ADAM18: variants seen among roughly 807,000 people sequenced by gnomAD.
ADAM18 encodes the protein disintegrin and metalloproteinase domain-containing protein 18.
ADAM18 carries 117 observed loss-of-function variants against 94.4 expected under a neutral mutation model. The observed-to-expected ratio is 1.24, with a 90% CI of 1.07 to 1.45. The LOEUF (loss-of-function observed/expected upper bound fraction) is 1.45, where lower values mean the gene tolerates loss of function less well. ADAM18 is among the 40% of genes most tolerant of loss of function. The pLI, the probability that ADAM18 is intolerant of heterozygous loss-of-function variation, is 0.00. For missense variants in ADAM18, 936 were observed against 880.0 expected, an observed-to-expected ratio of 1.06 and a Z score of -0.81; for synonymous variants, 327 against 291.6, an observed-to-expected ratio of 1.12 and a Z score of -1.24.
intron 7 of ADAM18, among the ~76,000 whole-genome samples, chr8:39,632,890 G>T (rs1256403597): frequency 6.6e-6 from 1 of 152,160 alleles, no homozygotes; most frequent in Non-Finnish European, 1.5e-5. Context: ...CTACAAGTTA[G>T]ATTGCTATGG....
At position 39,677,537 on chromosome 8, in the gene ADAM18, G is replaced by A; in HGVS notation, c.1631+1G>A. On this transcript the variant is annotated splice_donor_variant, in intron 15 of 19. Transcript: ENST00000265707. LOFTEE classifies it high-confidence loss of function. ...CACAACCATTACCTTGTGAACGGAAGTACGTATGTAGAAAATGATTGCTTC... is the reference window on the plus strand; with the variant it reads ...CACAACCATTACCTTGTGAACGGAAATACGTATGTAGAAAATGATTGCTTC... The A allele has an allele frequency of 6.3e-7, 1 of 1,579,894 alleles. No homozygotes were observed. The highest frequency in any genetic ancestry group is 8.6e-7 in the Non-Finnish European group (1 of 1,164,368).
At chr8:39,701,827 T>C (rs1454809780) in intron 17 of ADAM18, among the ~76,000 whole-genome samples, 3 of 152,210 alleles carry the variant, frequency 2.0e-5, no homozygotes, top group Non-Finnish European at 4.4e-5. Context: ...TCTCATACTT[T>C]TTATGGGTGC....
At chr8:39,724,392 G>A (rs1822843576) in intron 19 of ADAM18, among the ~76,000 whole-genome samples, 1 of 151,760 alleles carries the variant, frequency 6.6e-6, no homozygotes, top group Non-Finnish European at 1.5e-5. Context: ...TTTAATGTCT[G>A]TAGGGTCAGT....
chr8:39,661,579 T>C (rs1365544934), intron 12 of ADAM18, among the ~76,000 whole-genome samples: 1 of 152,062 alleles, frequency 6.6e-6, no homozygotes, highest in East Asian at 1.9e-4. Context: ...TTTAGGACTA[T>C]TGGGTTTTAT....
Position 39,648,540 on chromosome 8 carries a change from G to A in ADAM18, c.1230+13G>A, listed in dbSNP as rs759543571. On this transcript the variant is annotated intron_variant, in intron 12 of 19. Coordinates refer to ENST00000265707, the MANE Select transcript of ADAM18 (RefSeq NM_014237.3). ...TGGTAATAAAAATGTGAGTAACAAA[G>A]ATTGAAACTCGAGCACAATTTTTAT... is the stretch of plus-strand genomic sequence containing the variant. 2 of 1,580,754 alleles carry A rather than the reference G, an allele frequency of 1.3e-6. No individual in the cohort carries two copies. The highest frequency in any genetic ancestry group is 1.2e-5 in the South Asian group (1 of 84,968).
intron 18 of ADAM18, among the ~76,000 whole-genome samples, chr8:39,711,288 TGAG>T (rs1434893796): frequency 6.6e-6 from 1 of 152,124 alleles, no homozygotes; most frequent in South Asian, 2.1e-4. Flanking sequence ...GTAAGGTAGA[TGAG>T]GAGATAATCA....
intron 17 of ADAM18, among the ~76,000 whole-genome samples, 176 bp downstream of exon 17, chr8:39,692,856 C>T (rs137980362): frequency 8.6e-5 from 13 of 151,662 alleles, no homozygotes; most frequent in East Asian, 5.8e-4. Flanking sequence ...GTACCAGATA[C>T]GTATTGAACT....
intron 17 of ADAM18, 33 bp from the exon 18 acceptor site, chr8:39,706,757 G>A (rs374822175): frequency 4.3e-5 from 53 of 1,235,306 alleles, no homozygotes; most frequent in African/African-American, 3.7e-4. Context: ...AGACTAAGAC[G>A]ACTCAAACTG....
At chr8:39,653,317 AAAC>A (rs907817373) in intron 12 of ADAM18, among the ~76,000 whole-genome samples, 21 of 152,326 alleles carry the variant, frequency 1.4e-4, no homozygotes, top group South Asian at 4.1e-4. Context: ...TTTTTAAAAA[AAAC>A]AACAATAATG....
At chr8:39,627,378 T>A (rs1330622332) in intron 6 of ADAM18, among the ~76,000 whole-genome samples, 1 of 152,122 alleles carries the variant, frequency 6.6e-6, no homozygotes, top group Non-Finnish European at 1.5e-5. Context: ...TGGGGGAAAC[T>A]GCCCCCATGA....
intron 19 of ADAM18, among the ~76,000 whole-genome samples, chr8:39,725,383 T>C (rs1410345716): frequency 3.3e-5 from 5 of 152,158 alleles, no homozygotes; most frequent in South Asian, 2.1e-4. Context: ...TTAGCAAATA[T>C]CAAGTATACA....
At chr8:39,685,721 C>T (rs1821591616) in intron 16 of ADAM18, among the ~76,000 whole-genome samples, 1 of 152,088 alleles carries the variant, frequency 6.6e-6, no homozygotes, top group Non-Finnish European at 1.5e-5. Flanking sequence ...ATTATAAATT[C>T]CGTGTTTAAT....
At chr8:39,659,524 AAT>A (rs1820775416) in intron 12 of ADAM18, among the ~76,000 whole-genome samples, 4 of 152,140 alleles carry the variant, frequency 2.6e-5, no homozygotes, top group African/African-American at 9.6e-5. Flanking sequence ...AACTTAATAT[AAT>A]CAATGAGATG....
intron 19 of ADAM18, among the ~76,000 whole-genome samples, chr8:39,725,340 C>G (rs1213616721): frequency 6.6e-6 from 1 of 151,800 alleles, no homozygotes; most frequent in Non-Finnish European, 1.5e-5. Flanking sequence ...GTTGCTTTAC[C>G]AAGGTAAGAA....
chr8:39,687,876 T>A (rs566187303), intron 16 of ADAM18, among the ~76,000 whole-genome samples: 1 of 152,338 alleles, frequency 6.6e-6, no homozygotes, highest in Middle Eastern at 3.4e-3. Context: ...CCACCATTAA[T>A]GGGCGTCTTC....
At chr8:39,604,777 C>T (rs2129578287) in intron 2 of ADAM18, 1 of 152,318 alleles carries the variant, frequency 6.6e-6, no homozygotes, top group East Asian at 1.9e-4. Flanking sequence ...ACTACCCAGT[C>T]TCAGGTAGTT....
Position 39,668,171 on chromosome 8 carries a change from C to A in ADAM18, c.1500C>A (p.Asn500Lys), listed in dbSNP as rs199777132. The change falls in exon 14 of 20, where the codon AAC (asparagine) becomes AAA (lysine). Residue 500 changes from asparagine to lysine, a missense_variant. By Grantham distance (94) the Asn-to-Lys change is moderately conservative. Coordinates refer to ENST00000265707, the MANE Select transcript of ADAM18 (RefSeq NM_014237.3). The part of the protein sequence containing the change: ...CYNGQCQTTD[N>K]QCAKIFGKGA... ...ACGGACAATGTCAAACTACTGATAA[C>A]CAGTGTGCCAAGATATTTGGAAAAG... 4.9e-5 allele frequency: 79 copies of A among 1,613,894 alleles called. No individual in the cohort carries two copies. The highest frequency in any genetic ancestry group is 3.3e-4 in the Middle Eastern group (2 of 6,082).
At chr8:39,697,293 G>A (rs7005051) in intron 17 of ADAM18, among the ~76,000 whole-genome samples, 1 of 151,570 alleles carries the variant, frequency 6.6e-6, no homozygotes, top group East Asian at 1.9e-4. Flanking sequence ...CTACATATAA[G>A]ACTACATTAT....
At chr8:39,665,669 A>G (rs1208247255) in intron 13 of ADAM18, among the ~76,000 whole-genome samples, 1 of 152,174 alleles carries the variant, frequency 6.6e-6, no homozygotes, top group African/African-American at 2.4e-5. Flanking sequence ...TACCTTTTAA[A>G]AATCATTTAA....
Sources: allele counts gnomAD v4.1 joint callset (sites outside exome capture counted in the v4.1 genomes callset), GRCh38; gene constraint gnomAD v4.1.1; transcripts MANE v1.5; gene names NCBI Gene and HGNC (gene_info 2026-07-23, HGNC 2026-07-21).